APAF1: variants seen among roughly 807,000 people sequenced by gnomAD.
APAF1 encodes apoptotic peptidase activating factor 1, also known as apoptotic protease-activating factor 1.
In APAF1, 91 loss-of-function variants were observed where a neutral mutation model predicts 152.4. The observed-to-expected ratio is 0.60, with a 90% confidence interval of 0.50 to 0.71. The LOEUF is 0.71. Among genes scored for constraint, APAF1 ranks in the 30% least tolerant of loss-of-function variants. The pLI is 0.00. For synonymous variants in APAF1, 484 were observed against 494.1 expected (o/e 0.98, Z 0.27); for missense variants, 1,283 against 1,472.0 (o/e 0.87, Z 2.10).
chr12:98,666,104 C>A, intron 8 of APAF1, 86 bp from the exon 9 acceptor site: 3 of 1,280,710 alleles, frequency 2.3e-6, no homozygotes, highest in Non-Finnish European at 3.4e-6. Flanking sequence ...TTTAAGATAC[C>A]GTTTTTTTGT....
At chr12:98,665,931 C>G in intron 8 of APAF1, 140 bp downstream of exon 8, 6 of 809,874 alleles carry the variant, frequency 7.4e-6, no homozygotes, top group Non-Finnish European at 1.0e-5. Context: ...GTAGAAATCC[C>G]TCTGCTGTTA....
At chr12:98,698,683 C>T (rs1445275162) in intron 16 of APAF1, among the ~76,000 whole-genome samples, 1 of 152,200 alleles carries the variant, frequency 6.6e-6, no homozygotes, top group Non-Finnish European at 1.5e-5. Context: ...CCCCAACCCC[C>T]ATCCTTCTCC....
intron 12 of APAF1, among the ~76,000 whole-genome samples, chr12:98,676,833 C>T (rs1286294166): frequency 1.3e-5 from 2 of 151,840 alleles, no homozygotes; most frequent in South Asian, 2.1e-4. Context: ...TTAGTAGAGA[C>T]GGTGTTTCGC....
intron 16 of APAF1, among the ~76,000 whole-genome samples, chr12:98,693,122 T>C (rs1371626327): frequency 1.3e-5 from 2 of 152,146 alleles, no homozygotes; most frequent in Non-Finnish European, 2.9e-5. Flanking sequence ...GTAGTTCTCC[T>C]TGTAGAGATC....
rs766131635 is a variant in APAF1 at position 98,666,199 on chromosome 12, A to T, written c.1204A>T (p.Ile402Phe). ...DVKVPTKVLC[I>F]LWDMETEEVE... is the part of the protein sequence containing the mutation. ...TTACAACAATTCCTAGGTGTTATGT[A>T]TTCTCTGGGACATGGAAACTGAAGA... Residue 402 changes from isoleucine to phenylalanine, a missense_variant, in exon 9 of 27, where the codon ATT becomes TTT. Transcript: ENST00000551964. The T allele has an allele frequency of 6.2e-7, 1 of 1,613,846 alleles. No individual in the cohort carries two copies. Among genetic ancestry groups the T allele is most frequent in the African/African-American group, 1.3e-5 (1 of 75,014 alleles).
rs1201758624 is a variant in APAF1, at chr12:98,682,044, A to ATT, written c.2047-1093_2047-1092dup. On this transcript the variant is annotated intron_variant, in intron 14 of 26. Transcript: ENST00000551964. Reference sequence around the variant, plus strand: ...TACATAGTAACTAGAATGATGATTAATTTTTTTGTTTTTTTTTTTTTTTTT... The same window carrying ATT: ...TACATAGTAACTAGAATGATGATTAATTTTTTTTTGTTTTTTTTTTTTTTTTT... 1.3e-3 allele frequency among the ~76,000 whole-genome samples: 188 copies of ATT among 141,118 alleles called. 2 individuals are homozygous for ATT. The highest frequency in any genetic ancestry group is 4.8e-3 in the African/African-American group (178 of 36,824). 92.6% of individuals were successfully genotyped at this position (141,118 alleles called of 152,430 possible). A position where few individuals can be genotyped will look rare whatever the true frequency, so the allele number is the denominator to read the frequency against.
At position 98,710,179 on chromosome 12, in the gene APAF1, G is replaced by GTTTT. The variant is rs71443529; in HGVS notation, c.2841+1491_2841+1494dup. On this transcript the variant is annotated intron_variant, in intron 20 of 26. Transcript: ENST00000551964. ...GTGAGCCACCGTGCCCGGCCTAAGG[G>GTTTT]TTTTTTTTTTTTTTTTTTTGTATTT... Among the ~76,000 whole-genome samples, 85 of 127,726 alleles carry GTTTT rather than the reference G, an allele frequency of 6.7e-4. 1 individual carries two copies. The highest frequency in any genetic ancestry group is 4.3e-3 in the Middle Eastern group (1 of 234). 83.8% of individuals were successfully genotyped at this position (127,726 alleles called of 152,430 possible).
At chr12:98,675,925 C>T (rs2097685978) in intron 12 of APAF1, among the ~76,000 whole-genome samples, 1 of 152,152 alleles carries the variant, frequency 6.6e-6, no homozygotes, top group Admixed American at 6.5e-5. Flanking sequence ...AGTAGTGGCA[C>T]CTTTATGTGT....
At chr12:98,724,779 G>A (rs2097748055) in intron 24 of APAF1, among the ~76,000 whole-genome samples, 1 of 152,156 alleles carries the variant, frequency 6.6e-6, no homozygotes, top group Admixed American at 6.5e-5. Context: ...GATAGTGACT[G>A]TAGCTAGTTT....
intron 10 of APAF1, 149 bp from the exon 11 acceptor site, chr12:98,670,824 A>G (rs1204083442): frequency 3.5e-6 from 2 of 566,096 alleles, no homozygotes; most frequent in South Asian, 2.5e-5. Flanking sequence ...TTTCTTTGGA[A>G]CTATGGATGT....
chr12:98,656,485 C>T (rs901861746), intron 4 of APAF1, among the ~76,000 whole-genome samples: 9 of 152,192 alleles, frequency 5.9e-5, no homozygotes, highest in African/African-American at 2.2e-4. Flanking sequence ...CTTCACAGCC[C>T]TGTCTCTACC....
intron 15 of APAF1, among the ~76,000 whole-genome samples, chr12:98,684,464 C>A (rs1251696939): frequency 6.7e-6 from 1 of 150,302 alleles, no homozygotes; most frequent in Non-Finnish European, 1.5e-5. Flanking sequence ...CTCCTCCTCC[C>A]TCTCTTCTTC....
intron 13 of APAF1, among the ~76,000 whole-genome samples, chr12:98,678,272 T>C (rs2097688602): frequency 6.6e-6 from 1 of 152,274 alleles, no homozygotes; most frequent in Non-Finnish European, 1.5e-5. Context: ...GCTGAAGCTG[T>C]GCTCTGACAC....
At chr12:98,681,688 A>G (rs760738827) in intron 14 of APAF1, among the ~76,000 whole-genome samples, 5 of 152,208 alleles carry the variant, frequency 3.3e-5, no homozygotes, top group Non-Finnish European at 7.3e-5. Context: ...GGCTTAACCA[A>G]CAGTTAATTC....
At chr12:98,671,756 C>A in intron 12 of APAF1, 37 bp downstream of exon 12, 2 of 1,579,230 alleles carry the variant, frequency 1.3e-6, no homozygotes, top group Non-Finnish European at 1.7e-6. Context: ...GGGAGTGGTG[C>A]GCTAACTATA....
intron 4 of APAF1, among the ~76,000 whole-genome samples, chr12:98,654,816 CTTTTTT>C (rs758991431): frequency 1.7e-5 from 2 of 116,798 alleles, no homozygotes; most frequent in African/African-American, 3.3e-5. Flanking sequence ...GTAGTATTTT[CTTTTTT>C]TTTTTTTTTT....
chr12:98,685,861 T>C (rs2097697476), intron 15 of APAF1, among the ~76,000 whole-genome samples: 1 of 151,438 alleles, frequency 6.6e-6, no homozygotes, highest in African/African-American at 2.4e-5. Flanking sequence ...GGTCTTGAAC[T>C]CCTGACCTCA....
Position 98,667,625 on chromosome 12 carries a change from C to G in APAF1, c.1475C>G (p.Ala492Gly). 6.2e-7 allele frequency: 1 copy of G among 1,613,760 alleles called. No homozygotes were observed. The highest frequency in any genetic ancestry group is 8.5e-7 in the Non-Finnish European group (1 of 1,179,998). ...YWYNFLAYHM[A>G]SAKMHKELCA... ...TACAACTTTCTGGCCTATCACATGG[C>G]CAGTGCCAAGATGCACAAGGTAAGA... The change falls in exon 10 of 27, where the codon GCC (alanine) becomes GGC (glycine). Residue 492 changes from alanine (A) to glycine (G), a missense_variant. Coordinates refer to ENST00000551964, the MANE Select transcript of APAF1 (RefSeq NM_181861.2).
intron 14 of APAF1, among the ~76,000 whole-genome samples, chr12:98,681,685 C>G (rs2097692373): frequency 6.6e-6 from 1 of 152,124 alleles, no homozygotes; most frequent in African/African-American, 2.4e-5. Context: ...CGTGGCTTAA[C>G]CAACAGTTAA....
Sources: allele counts gnomAD v4.1 joint callset (sites outside exome capture counted in the v4.1 genomes callset), GRCh38; gene constraint gnomAD v4.1.1; transcripts MANE v1.5; gene names NCBI Gene and HGNC (gene_info 2026-07-23, HGNC 2026-07-21).